The following CCSER1 variants were observed in gnomAD, a reference collection of about 807,000 sequenced individuals.
CCSER1 encodes coiled-coil serine rich protein 1, also known as serine-rich coiled-coil domain-containing protein 1.
In CCSER1, 41 loss-of-function variants were observed where a neutral mutation model predicts 82.0. The observed-to-expected ratio is 0.50, with a 90% CI of 0.39 to 0.65. The LOEUF (loss-of-function observed/expected upper bound fraction) is 0.65. CCSER1 is among the 30% of genes least tolerant of loss of function. The pLI, the probability that CCSER1 is intolerant of heterozygous loss-of-function variation, is 0.00. For missense variants in CCSER1, 1,119 were observed against 1,064.2 expected, an observed-to-expected ratio of 1.05 and a Z score of -0.72; for synonymous variants, 414 against 383.9, an observed-to-expected ratio of 1.08 and a Z score of -0.92.
At chr4:91,150,894 G>C (rs183498551) in intron 10 of CCSER1, among the ~76,000 whole-genome samples, 1 of 152,116 alleles carries the variant, frequency 6.6e-6, no homozygotes, top group Non-Finnish European at 1.5e-5. Context: ...GAGGAATTTT[G>C]CATTGATGTT....
At chr4:90,861,923 TATA>T (rs1561265298) in intron 8 of CCSER1, among the ~76,000 whole-genome samples, 3 of 107,502 alleles carry the variant, frequency 2.8e-5, no homozygotes, top group African/African-American at 8.4e-5. Context: ...TATATATATA[TATA>T]TTTTTTTTTT....
chr4:91,107,588 T>C (rs77559620), intron 10 of CCSER1, among the ~76,000 whole-genome samples: 1,668 of 152,122 alleles, frequency 0.011, 13 homozygotes, highest in Non-Finnish European at 0.014. Context: ...ATGATGGTAA[T>C]TATGCTTTAG....
chr4:91,048,357 T>C (rs1742697877), intron 9 of CCSER1, among the ~76,000 whole-genome samples: 1 of 141,952 alleles, frequency 7.0e-6, no homozygotes, highest in Non-Finnish European at 1.6e-5. Context: ...CATTTAAAAA[T>C]ATATTTTTCT....
intron 5 of CCSER1, among the ~76,000 whole-genome samples, chr4:90,537,623 C>T (rs1775575892): frequency 6.6e-6 from 1 of 152,044 alleles, no homozygotes; most frequent in East Asian, 1.9e-4. Context: ...TTTGTGGTTG[C>T]TTTGTATGAA....
At chr4:91,496,131 A>G (rs1269247271) in intron 10 of CCSER1, among the ~76,000 whole-genome samples, 2 of 151,422 alleles carry the variant, frequency 1.3e-5, no homozygotes, top group Admixed American at 1.3e-4. Context: ...TGATAATTTT[A>G]TTTTCTTTTG....
chr4:91,317,075 G>A (rs780505747), intron 10 of CCSER1, among the ~76,000 whole-genome samples: 5 of 151,930 alleles, frequency 3.3e-5, no homozygotes, highest in African/African-American at 1.2e-4. Flanking sequence ...AATGATAAAT[G>A]TGTGGTGACA....
At chr4:90,461,982 A>G (rs972823577) in intron 4 of CCSER1, among the ~76,000 whole-genome samples, 9 of 152,236 alleles carry the variant, frequency 5.9e-5, no homozygotes, top group African/African-American at 2.2e-4. Flanking sequence ...ATGAATATAT[A>G]TGCCTGCTTT....
intron 8 of CCSER1, among the ~76,000 whole-genome samples, chr4:90,828,534 A>C (rs1450643354): frequency 6.6e-6 from 1 of 152,174 alleles, no homozygotes; most frequent in Non-Finnish European, 1.5e-5. Flanking sequence ...GTTTTTAAAA[A>C]TTTAGTTTCG....
intron 10 of CCSER1, among the ~76,000 whole-genome samples, chr4:91,264,132 C>T (rs551042806): frequency 6.6e-6 from 1 of 151,530 alleles, no homozygotes; most frequent in South Asian, 2.1e-4. Context: ...GAGGAAGAGA[C>T]TGTTGTAATT....
In CCSER1 at chr4:90,277,145, T is replaced by G. The variant is rs28655954; in HGVS notation, c.-41-31099T>G. Reference sequence around the variant, plus strand: ...CTATGTTAAATACGAGTGGTTAGAGTGGGCATTCCTGTCTAGGCAACACAA... The same window carrying G: ...CTATGTTAAATACGAGTGGTTAGAGGGGGCATTCCTGTCTAGGCAACACAA... On this transcript the variant is annotated intron_variant, in intron 1 of 10. Coordinates refer to ENST00000509176, the MANE Select transcript of CCSER1 (RefSeq NM_001145065.2). 6.2e-3 allele frequency among the ~76,000 whole-genome samples: 943 copies of G among 151,778 alleles called. 8 individuals carry two copies. Among genetic ancestry groups the G allele is most frequent in the African/African-American group, 0.022 (916 of 41,380 alleles).
chr4:90,476,615 A>G (rs1765149753), intron 5 of CCSER1, among the ~76,000 whole-genome samples: 2 of 152,144 alleles, frequency 1.3e-5, no homozygotes, highest in African/African-American at 4.8e-5. Context: ...GTTTATATAT[A>G]TTGAAAAAAA....
intron 4 of CCSER1, among the ~76,000 whole-genome samples, chr4:90,424,309 G>A (rs1005331839): frequency 2.6e-5 from 4 of 152,026 alleles, no homozygotes; most frequent in African/African-American, 9.7e-5. Flanking sequence ...ATTAATTCAT[G>A]TATCATTGCC....
At chr4:90,369,285 AAGG>A (rs560698948) in intron 3 of CCSER1, among the ~76,000 whole-genome samples, 92 of 149,724 alleles carry the variant, frequency 6.1e-4, no homozygotes, top group African/African-American at 1.6e-3. Flanking sequence ...AGAAGAAAGA[AAGG>A]AGGAGGAAAA....
intron 10 of CCSER1, among the ~76,000 whole-genome samples, chr4:91,174,962 T>C (rs1180258740): frequency 6.6e-6 from 1 of 152,146 alleles, no homozygotes; most frequent in Non-Finnish European, 1.5e-5. Flanking sequence ...CCTAATGCTA[T>C]CTCTCCCTGC....
At chr4:91,426,821 C>T (rs968211677) in intron 10 of CCSER1, among the ~76,000 whole-genome samples, 2 of 151,998 alleles carry the variant, frequency 1.3e-5, no homozygotes, top group Non-Finnish European at 2.9e-5. Flanking sequence ...AAAAATGATT[C>T]CAACTTTTAG....
intron 1 of CCSER1, among the ~76,000 whole-genome samples, chr4:90,186,104 G>A (rs944121917): frequency 6.6e-6 from 1 of 151,928 alleles, no homozygotes; most frequent in Non-Finnish European, 1.5e-5. Context: ...AATAAATCTT[G>A]GATCTTGATC....
At chr4:91,111,753 C>A (rs1475120473) in intron 10 of CCSER1, among the ~76,000 whole-genome samples, 1 of 150,528 alleles carries the variant, frequency 6.6e-6, no homozygotes, top group African/African-American at 2.4e-5. Context: ...AAACATTAAA[C>A]CAACTGGGCT....
Position 91,367,317 on chromosome 4 carries a change from C to CA in CCSER1, c.2218-231234dup, listed in dbSNP as rs557952182. On this transcript the variant is annotated intron_variant, in intron 10 of 10. Coordinates refer to ENST00000509176, the MANE Select transcript of CCSER1 (RefSeq NM_001145065.2). The stretch of plus-strand genomic sequence containing the variant: ...AGGTGACAGAGTGAGATCCTGTCTC[C>CA]AAAAAAAAAAAAAAAAAAAAAGTTA... Among the ~76,000 whole-genome samples, 658 of 74,426 alleles carry CA rather than the reference C, an allele frequency of 8.8e-3. 1 individual carries two copies. The highest frequency in any genetic ancestry group is 0.016 in the African/African-American group (265 of 16,484). 48.8% of individuals were successfully genotyped at this position (74,426 alleles called of 152,430 possible).
intron 9 of CCSER1, among the ~76,000 whole-genome samples, chr4:91,063,373 A>G (rs949049911): frequency 1.1e-4 from 16 of 152,160 alleles, no homozygotes; most frequent in African/African-American, 3.9e-4. Flanking sequence ...CTGGCTCACG[A>G]CACACACTTA....
Sources: allele counts gnomAD v4.1 joint callset (sites outside exome capture counted in the v4.1 genomes callset), GRCh38; gene constraint gnomAD v4.1.1; transcripts MANE v1.5; gene names NCBI Gene and HGNC (gene_info 2026-07-23, HGNC 2026-07-21).